Variants in CCDC144A observed in about 807,000 individuals in gnomAD.
CCDC144A encodes the protein coiled-coil domain containing 144A.
In CCDC144A, 41 loss-of-function variants were observed where a neutral mutation model predicts 143.8. That is an observed-to-expected ratio of 0.29 (90% CI 0.22 to 0.37). The LOEUF (loss-of-function observed/expected upper bound fraction) is 0.37. CCDC144A is among the 10% of genes least tolerant of loss of function. CCDC144A has a pLI of 1.00. For synonymous variants in CCDC144A, 242 were observed against 517.9 expected, an observed-to-expected ratio of 0.47 and a Z score of 7.23; for missense variants, 637 against 1,488.8, an observed-to-expected ratio of 0.43 and a Z score of 9.41.
At chr17:16,745,529 T>G (rs1914455819) in intron 12 of CCDC144A, 1 of 1,249,976 alleles carries the variant, frequency 8.0e-7, no homozygotes, top group South Asian at 1.3e-5. Context: ...GCTTCCAGTT[T>G]CCTGGTAAGG....
At chr17:16,772,339 G>C (rs374242201) in intron 16 of CCDC144A, among the ~76,000 whole-genome samples, 1 of 152,248 alleles carries the variant, frequency 6.6e-6, no homozygotes, top group East Asian at 1.9e-4. Flanking sequence ...CAACTTCTCA[G>C]GGTTATGGTA....
chr17:16,714,095 A>G (rs1312159163), intron 6 of CCDC144A, among the ~76,000 whole-genome samples: 2 of 152,074 alleles, frequency 1.3e-5, no homozygotes, highest in Non-Finnish European at 2.9e-5. Flanking sequence ...GGCTTTCAGG[A>G]TCTCACTCAC....
At chr17:16,744,266 A>G (rs1261058309) in intron 12 of CCDC144A, among the ~76,000 whole-genome samples, 1 of 152,242 alleles carries the variant, frequency 6.6e-6, no homozygotes. Context: ...AGAAACCTCC[A>G]AACTGCTTTC....
the CCDC144A span, among the ~76,000 whole-genome samples, chr17:16,674,882 G>T: frequency 3.5e-4 from 54 of 152,216 alleles, no homozygotes; most frequent in African/African-American, 1.2e-3. Flanking sequence ...TGAGGAAATT[G>T]TACTGCCAAT....
At position 16,690,596 on chromosome 17, in the gene CCDC144A, G is replaced by A; in HGVS notation, c.196G>A (p.Glu66Lys). 6.2e-7 allele frequency: 1 copy of A among 1,613,758 alleles called. No homozygotes were observed. Among genetic ancestry groups the A allele is most frequent in the East Asian group, 2.2e-5 (1 of 44,876 alleles). The stretch of plus-strand genomic sequence containing the variant: ...CGTCGGCAGCGAGAGCAAGCACGGT[G>A]AGGGCGCCTTAGACCAGCCCCAGCA... ...NSVGSESKHG[E>K]GALDQPQHDV... Residue 66 changes from glutamate (E) to lysine (K), a missense_variant, in exon 1 of 17, where the codon GAG becomes AAG. Coordinates refer to ENST00000399273, the MANE Select transcript of CCDC144A (RefSeq NM_001382000.1).
At chr17:16,696,190 T>C (rs984790070) in intron 2 of CCDC144A, among the ~76,000 whole-genome samples, 1 of 152,068 alleles carries the variant, frequency 6.6e-6, no homozygotes, top group Non-Finnish European at 1.5e-5. Context: ...GATTTTTGTA[T>C]TTTCAGTAGA....
chr17:16,769,332 C>G (rs1233207637), intron 15 of CCDC144A, among the ~76,000 whole-genome samples: 14 of 152,228 alleles, frequency 9.2e-5, no homozygotes, highest in Non-Finnish European at 1.6e-4. Flanking sequence ...CATTTGAAAC[C>G]TGAGGCCAGG....
chr17:16,720,707 T>C (rs370371543), intron 8 of CCDC144A, 49 bp downstream of exon 8: 2 of 1,562,328 alleles, frequency 1.3e-6, no homozygotes, highest in Admixed American at 3.9e-5. Context: ...CCTGCAGTAA[T>C]GTGTGTATAC....
At chr17:16,683,953 G>C in the CCDC144A span, 22 of 1,203,188 alleles carry the variant, frequency 1.8e-5, 1 homozygote, top group Admixed American at 1.7e-5. Context: ...ACTGGGGGCC[G>C]GGCTATCCTT....
upstream of CCDC144A, among the ~76,000 whole-genome samples, chr17:16,685,846 A>C (rs879877544): frequency 7.7e-4 from 116 of 151,210 alleles, no homozygotes; most frequent in Non-Finnish European, 8.7e-4. Flanking sequence ...GTCTCAGCTC[A>C]CTGCAACCTC....
the CCDC144A span, among the ~76,000 whole-genome samples, chr17:16,677,855 A>G: frequency 0.024 from 3,582 of 152,050 alleles, 140 homozygotes; most frequent in African/African-American, 0.082. Flanking sequence ...TTGTATATAC[A>G]TGCAAACATC....
chr17:16,685,934 G>A (rs934112541), upstream of CCDC144A, among the ~76,000 whole-genome samples: 2 of 146,844 alleles, frequency 1.4e-5, no homozygotes, highest in African/African-American at 5.1e-5. Context: ...ACCACATCTG[G>A]CTATTTTTTT....
the CCDC144A span, chr17:16,683,436 G>C: frequency 1.8e-6 from 2 of 1,122,244 alleles, no homozygotes; most frequent in Non-Finnish European, 2.6e-6. Context: ...GGGAGTGAGC[G>C]ATGAGCCGGC....
intron 12 of CCDC144A, among the ~76,000 whole-genome samples, chr17:16,747,505 G>A (rs1365084463): frequency 6.6e-6 from 1 of 152,198 alleles, no homozygotes; most frequent in Non-Finnish European, 1.5e-5. Flanking sequence ...ATTGCTTTGG[G>A]CAGTATGGCC....
At chr17:16,678,600 T>G in the CCDC144A span, among the ~76,000 whole-genome samples, 1 of 150,250 alleles carries the variant, frequency 6.7e-6, no homozygotes, top group East Asian at 1.9e-4. Context: ...TTTTTTTTTT[T>G]GACAGAGTTT....
At chr17:16,704,547 T>A (rs1300314809) in intron 2 of CCDC144A, among the ~76,000 whole-genome samples, 3 of 151,984 alleles carry the variant, frequency 2.0e-5, no homozygotes, top group African/African-American at 7.3e-5. Context: ...TCCTGTCTCG[T>A]GGCACTGTGT....
Position 16,720,022 on chromosome 17 carries a change from T to C in CCDC144A, c.1716-176T>C, listed in dbSNP as rs558683515. Among the ~76,000 whole-genome samples the C allele has an allele frequency of 2.1e-3, 317 of 152,316 alleles. 2 individuals are homozygous for C. The highest frequency in any genetic ancestry group is 7.4e-3 in the African/African-American group (307 of 41,586). On this transcript the variant is annotated intron_variant, in intron 6 of 16. Transcript: ENST00000399273. ...GTTGCTGTTTCTGTTTATAGTTTAATGTCCATTGTAGAAAATTACTGCATT... is the reference window on the plus strand; with the variant it reads ...GTTGCTGTTTCTGTTTATAGTTTAACGTCCATTGTAGAAAATTACTGCATT...
chr17:16,719,151 A>G (rs1037437801), intron 6 of CCDC144A, among the ~76,000 whole-genome samples: 76 of 151,562 alleles, frequency 5.0e-4, no homozygotes, highest in African/African-American at 1.7e-3. Context: ...TTTAAAAAAT[A>G]TTTAATCAAG....
chr17:16,684,769 G>C (rs888174124), upstream of CCDC144A, among the ~76,000 whole-genome samples: 3 of 152,048 alleles, frequency 2.0e-5, no homozygotes, highest in African/African-American at 7.2e-5. Flanking sequence ...TTTGAGACCA[G>C]CCTGGTTAAC....
Sources: gnomAD v4.1 joint callset for allele counts (sites outside exome capture counted in the v4.1 genomes callset) on GRCh38, gnomAD v4.1.1 for gene constraint, MANE v1.5 for transcripts, NCBI Gene and HGNC (gene_info 2026-07-23, HGNC 2026-07-21) for gene names.